Variants in CEP170 observed in about 807,000 individuals in gnomAD.
CEP170 encodes centrosomal protein 170.
In CEP170, 21 loss-of-function variants were observed where a neutral mutation model predicts 151.9. The ratio of observed to expected loss-of-function variants is 0.14; its 90% confidence interval spans 0.10 to 0.20. CEP170 has a LOEUF of 0.20. CEP170 is among the 10% of genes least tolerant of loss of function. CEP170 has a pLI of 1.00. For synonymous variants in CEP170, 356 were observed against 648.8 expected (o/e 0.55, Z 6.86); for missense variants, 964 against 1,892.9 (o/e 0.51, Z 9.11).
chr1:243,205,668 T>C (rs1455647086), intron 4 of CEP170, among the ~76,000 whole-genome samples: 1 of 152,218 alleles, frequency 6.6e-6, no homozygotes, highest in African/African-American at 2.4e-5. Context: ...AAGTAACTTG[T>C]ATTCCAGAAG....
Position 243,140,115 on chromosome 1 carries a change from G to T in CEP170, c.4060-8C>A. On this transcript the variant is annotated splice_polypyrimidine_tract_variant and splice_region_variant and intron_variant, in intron 15 of 19. Coordinates refer to ENST00000366542, the MANE Select transcript of CEP170 (RefSeq NM_014812.3). ...AAAAACACGATCAACCAACTAATGG[G>T]ACGAAAGCAAACCTTTATGAGAACA... 1 of 1,612,744 alleles carries T rather than the reference G, an allele frequency of 6.2e-7. No individual in the cohort carries two copies. The highest frequency in any genetic ancestry group is 1.7e-4 in the Middle Eastern group (1 of 6,052).
intron 17 of CEP170, among the ~76,000 whole-genome samples, chr1:243,133,809 A>G (rs1423599200): frequency 1.3e-5 from 2 of 152,182 alleles, no homozygotes; most frequent in Non-Finnish European, 2.9e-5. Context: ...ACTATATCTC[A>G]CGTAAGACAA....
intron 1 of CEP170, among the ~76,000 whole-genome samples, chr1:243,250,171 A>G (rs532860297): frequency 1.6e-4 from 25 of 152,328 alleles, no homozygotes; most frequent in African/African-American, 5.1e-4. Context: ...CTTTCCTCCC[A>G]GCATCTTTTA....
chr1:243,208,690 A>T (rs2061577357), intron 4 of CEP170, among the ~76,000 whole-genome samples: 1 of 150,438 alleles, frequency 6.6e-6, no homozygotes, highest in South Asian at 2.1e-4. Flanking sequence ...TCTTTTTAAA[A>T]CTCTAACTTC....
At chr1:243,205,775 T>C (rs1328618647) in intron 4 of CEP170, among the ~76,000 whole-genome samples, 1 of 151,566 alleles carries the variant, frequency 6.6e-6, no homozygotes, top group Non-Finnish European at 1.5e-5. Flanking sequence ...TTACTATGAG[T>C]GTAAAAATTA....
chr1:243,214,805 T>C (rs895002754), intron 3 of CEP170, among the ~76,000 whole-genome samples: 13 of 152,080 alleles, frequency 8.5e-5, no homozygotes, highest in Non-Finnish European at 1.2e-4. Flanking sequence ...ACCAGGAAAA[T>C]ATGGAATAAA....
In CEP170 at chr1:243,200,501, G is replaced by A. The variant is rs751019353; in HGVS notation, c.496+17C>T. 5.0e-5 allele frequency: 78 copies of A among 1,556,024 alleles called. No homozygotes were observed. The highest frequency in any genetic ancestry group is 6.7e-5 in the Non-Finnish European group (77 of 1,141,878). ...AGATCAAGTATAAAGATGGTCTTTC[G>A]AGAGAGGCCAGCTTACCCATGGCTT... is the stretch of plus-strand genomic sequence containing the variant. On this transcript the variant is annotated intron_variant, in intron 6 of 19. Coordinates refer to ENST00000366542, the MANE Select transcript of CEP170 (RefSeq NM_014812.3).
intron 3 of CEP170, among the ~76,000 whole-genome samples, chr1:243,212,257 C>A (rs1228561506): frequency 1.3e-5 from 2 of 152,170 alleles, no homozygotes; most frequent in Non-Finnish European, 2.9e-5. Flanking sequence ...CTAAAGCTGG[C>A]AAACCGCAAA....
chr1:243,172,879 G>T, intron 10 of CEP170, 33 bp from the exon 11 acceptor site: 1 of 1,510,356 alleles, frequency 6.6e-7, no homozygotes, highest in Non-Finnish European at 8.8e-7. Flanking sequence ...AAATGAAAAC[G>T]AAAAGTCTGA....
chr1:243,186,626 T>A (rs1413312995), intron 8 of CEP170: 1 of 548,454 alleles, frequency 1.8e-6, no homozygotes. Context: ...AGGTCCTTTA[T>A]AAACAACTGA....
At chr1:243,151,728 AATTG>A (rs1295242295) in intron 14 of CEP170, among the ~76,000 whole-genome samples, 6 of 152,268 alleles carry the variant, frequency 3.9e-5, no homozygotes, top group Non-Finnish European at 5.9e-5. Flanking sequence ...TAGCTAAGAT[AATTG>A]ATTAAGATGG....
chr1:243,244,152 T>C (rs369378408), intron 1 of CEP170, among the ~76,000 whole-genome samples: 66 of 152,218 alleles, frequency 4.3e-4, no homozygotes, highest in African/African-American at 1.5e-3. Context: ...TGCATCAAAA[T>C]ACAAGATATG....
rs569029261 is a variant in CEP170 at position 243,229,794 on chromosome 1, A to G, written c.-41-4473T>C. ...GAAACTTCCAAGGAATTTATTATAT[A>G]AAGACAATGTGTGTGTGTTTGTTTT... On this transcript the variant is annotated intron_variant, in intron 1 of 19. Transcript: ENST00000366542. 5.3e-5 allele frequency among the ~76,000 whole-genome samples: 8 copies of G among 152,360 alleles called. No homozygotes were observed. The South Asian group carries it at 1.4e-3, about 28-fold the overall frequency.
intron 8 of CEP170, among the ~76,000 whole-genome samples, chr1:243,188,882 T>C (rs1455799021): frequency 1.3e-5 from 2 of 152,280 alleles, no homozygotes; most frequent in Admixed American, 1.3e-4. Flanking sequence ...AAAATTGTTA[T>C]CTAATGATGG....
intron 14 of CEP170, among the ~76,000 whole-genome samples, chr1:243,149,123 G>T (rs1369653369): frequency 3.3e-5 from 5 of 151,730 alleles, no homozygotes; most frequent in African/African-American, 1.2e-4. Flanking sequence ...TGAATGAAAT[G>T]TTTATCGCTA....
At chr1:243,134,664 ATTT>A (rs774058654) in intron 17 of CEP170, among the ~76,000 whole-genome samples, 2 of 135,710 alleles carry the variant, frequency 1.5e-5, no homozygotes, top group African/African-American at 2.7e-5. Flanking sequence ...TGCCCAGCCA[ATTT>A]TTTTTTTTTT....
At chr1:243,142,775 G>C (rs1378243646) in intron 14 of CEP170, among the ~76,000 whole-genome samples, 1 of 152,072 alleles carries the variant, frequency 6.6e-6, no homozygotes, top group Non-Finnish European at 1.5e-5. Context: ...CTTAAACTTG[G>C]GGAATAATGG....
At chr1:243,128,365 T>A (rs1425199109) in intron 18 of CEP170, 65 bp from the exon 19 acceptor site, 1 of 1,372,600 alleles carries the variant, frequency 7.3e-7, no homozygotes, top group East Asian at 2.6e-5. Flanking sequence ...TTACAAGCAA[T>A]GAATTTCACT....
intron 1 of CEP170, among the ~76,000 whole-genome samples, chr1:243,254,670 AG>A (rs1358850910): frequency 6.6e-6 from 1 of 151,708 alleles, no homozygotes; most frequent in East Asian, 1.9e-4. Context: ...GCTACGGCGG[AG>A]GGGGGAGGGC....
Sources: allele counts gnomAD v4.1 joint callset (sites outside exome capture counted in the v4.1 genomes callset), GRCh38; gene constraint gnomAD v4.1.1; transcripts MANE v1.5; gene names NCBI Gene and HGNC (gene_info 2026-07-23, HGNC 2026-07-21).